Variants in KLHL32 observed in about 807,000 individuals in gnomAD.
KLHL32 encodes the protein kelch like family member 32, also known as kelch-like protein 32.
Under a neutral mutation model 64.8 loss-of-function variants are expected in KLHL32, and 35 were observed. That is an observed-to-expected ratio of 0.54 (90% CI 0.41 to 0.72). KLHL32 has a LOEUF of 0.72. KLHL32 is among the 30% of genes least tolerant of loss of function. The pLI is 0.00. For missense variants in KLHL32, 589 were observed against 768.5 expected (o/e 0.77, Z 2.76); for synonymous variants, 259 against 281.0 (o/e 0.92, Z 0.78).
intron 6 of KLHL32, among the ~76,000 whole-genome samples, chr6:97,091,981 C>CTTTTTTTT (rs11340950): frequency 6.8e-5 from 9 of 132,366 alleles, no homozygotes; most frequent in East Asian, 2.1e-4. Flanking sequence ...CTCTTTCTTT[C>CTTTTTTTT]TTTTTTTTTT....
intron 3 of KLHL32, among the ~76,000 whole-genome samples, chr6:97,005,383 A>G (rs2128084095): frequency 6.6e-6 from 1 of 151,666 alleles, no homozygotes; most frequent in Non-Finnish European, 1.5e-5. Flanking sequence ...TTTCTTTATT[A>G]ATCTAGGTAG....
intron 3 of KLHL32, among the ~76,000 whole-genome samples, chr6:96,993,823 A>G (rs1778147369): frequency 1.3e-5 from 2 of 152,198 alleles, no homozygotes; most frequent in African/African-American, 4.8e-5. Flanking sequence ...ACAGGATGAC[A>G]TGAAGAGGGC....
intron 4 of KLHL32, among the ~76,000 whole-genome samples, chr6:97,046,642 A>G (rs1785969429): frequency 6.6e-6 from 1 of 152,194 alleles, no homozygotes. Context: ...TTAATTTGTA[A>G]TAAATCTATT....
At chr6:97,088,001 C>T (rs1793684939) in intron 6 of KLHL32, among the ~76,000 whole-genome samples, 1 of 151,884 alleles carries the variant, frequency 6.6e-6, no homozygotes, top group Non-Finnish European at 1.5e-5. Flanking sequence ...CTTTTTTTTC[C>T]ATCTGACCTT....
intron 3 of KLHL32, among the ~76,000 whole-genome samples, chr6:96,994,028 T>C (rs891991436): frequency 2.0e-5 from 3 of 152,204 alleles, no homozygotes; most frequent in African/African-American, 7.2e-5. Context: ...TACCCCTTGC[T>C]CTGGAGGGAG....
intron 2 of KLHL32, among the ~76,000 whole-genome samples, chr6:96,974,647 A>G (rs1013920486): frequency 2.6e-5 from 4 of 152,232 alleles, no homozygotes; most frequent in Non-Finnish European, 5.9e-5. Context: ...AAACTGTCCA[A>G]TAAAGCTTAA....
chr6:97,123,509 T>C (rs1279423774), intron 7 of KLHL32, among the ~76,000 whole-genome samples: 1 of 152,186 alleles, frequency 6.6e-6, no homozygotes, highest in Non-Finnish European at 1.5e-5. Flanking sequence ...CAGTATATCT[T>C]TAAGTCACAG....
chr6:96,912,833 T>C, the KLHL32 span, among the ~76,000 whole-genome samples: 3 of 152,136 alleles, frequency 2.0e-5, no homozygotes, highest in African/African-American at 4.8e-5. Flanking sequence ...TTCCTCTGCA[T>C]TGTAATTGCT....
intron 6 of KLHL32, chr6:97,105,389 G>A (rs1796271649): frequency 4.3e-6 from 2 of 469,126 alleles, no homozygotes; most frequent in Non-Finnish European, 8.8e-6. Flanking sequence ...AGGTTCAGGA[G>A]TGAGTTTTTG....
At chr6:97,103,407 G>A (rs1795995311) in intron 6 of KLHL32, among the ~76,000 whole-genome samples, 1 of 152,000 alleles carries the variant, frequency 6.6e-6, no homozygotes, top group Non-Finnish European at 1.5e-5. Flanking sequence ...TAGAGATGGG[G>A]TTTCACCATG....
intron 3 of KLHL32, among the ~76,000 whole-genome samples, chr6:97,035,361 C>T (rs115987358): frequency 0.029 from 4,420 of 152,136 alleles, 188 homozygotes; most frequent in African/African-American, 0.098. Context: ...GTAAAAGTAA[C>T]TTACACACCA....
At chr6:96,936,684 A>C (rs547915171) in intron 1 of KLHL32, among the ~76,000 whole-genome samples, 1 of 152,280 alleles carries the variant, frequency 6.6e-6, no homozygotes, top group East Asian at 1.9e-4. Flanking sequence ...TCTTCTCCAC[A>C]CAGCAGCCAA....
At chr6:96,976,535 TA>T (rs1292735353) in intron 3 of KLHL32, among the ~76,000 whole-genome samples, 2 of 152,216 alleles carry the variant, frequency 1.3e-5, no homozygotes, top group Admixed American at 1.3e-4. Context: ...GACAATTTGT[TA>T]AAATTTAAAA....
intron 1 of KLHL32, among the ~76,000 whole-genome samples, chr6:96,937,115 G>A (rs545717761): frequency 6.1e-4 from 92 of 151,982 alleles, no homozygotes; most frequent in African/African-American, 2.1e-3. Flanking sequence ...CATTGTAACT[G>A]TGTACAGTTC....
intron 6 of KLHL32, among the ~76,000 whole-genome samples, chr6:97,101,048 T>C (rs1233228097): frequency 7.1e-6 from 1 of 140,488 alleles, no homozygotes; most frequent in African/African-American, 2.6e-5. Context: ...GCTCAGGCAA[T>C]CCTCCCACCT....
At chr6:97,010,401 C>A (rs1479356401) in intron 3 of KLHL32, 1 of 152,148 alleles carries the variant, frequency 6.6e-6, no homozygotes, top group Non-Finnish European at 1.5e-5. Flanking sequence ...GAATACCCAG[C>A]CCTGGACTTT....
chr6:97,076,504 A>G (rs1332554767), intron 5 of KLHL32, among the ~76,000 whole-genome samples: 1 of 152,208 alleles, frequency 6.6e-6, no homozygotes, highest in Non-Finnish European at 1.5e-5. Context: ...TCCTGAGGCC[A>G]TCCAGATGGG....
chr6:97,087,494 G>A (rs1014747193), intron 6 of KLHL32, among the ~76,000 whole-genome samples: 2 of 152,190 alleles, frequency 1.3e-5, no homozygotes, highest in African/African-American at 4.8e-5. Context: ...ATTACGGAAC[G>A]TTCTCACTGT....
At chr6:97,111,115 C>T (rs934672078) in intron 6 of KLHL32, among the ~76,000 whole-genome samples, 1 of 152,138 alleles carries the variant, frequency 6.6e-6, no homozygotes, top group Admixed American at 6.5e-5. Context: ...GAGGAGTGGC[C>T]TTGGCCAGAT....
Sources: gnomAD v4.1 joint callset for allele counts (sites outside exome capture counted in the v4.1 genomes callset) on GRCh38, gnomAD v4.1.1 for gene constraint, MANE v1.5 for transcripts, NCBI Gene and HGNC (gene_info 2026-07-23, HGNC 2026-07-21) for gene names.